Variants in ANO2 observed in about 807,000 individuals in gnomAD.
The protein encoded by ANO2 is anoctamin 2.
Under a neutral mutation model 124.2 loss-of-function variants are expected in ANO2, and 101 were observed. That is an observed-to-expected ratio of 0.81 (90% CI 0.69 to 0.96). The LOEUF (loss-of-function observed/expected upper bound fraction) is 0.96. Among genes scored for constraint, ANO2 ranks in the 40% least tolerant of loss-of-function variants. The probability of loss-of-function intolerance (pLI) is 0.00; values close to 1 mark genes in which losing one functional copy is unlikely to be tolerated. For synonymous variants in ANO2, 486 were observed against 482.5 expected, an observed-to-expected ratio of 1.01 and a Z score of -0.09; for missense variants, 1,293 against 1,274.5, an observed-to-expected ratio of 1.01 and a Z score of -0.22.
At chr12:5,902,986 G>A (rs1009053460) in intron 3 of ANO2, among the ~76,000 whole-genome samples, 3 of 150,718 alleles carry the variant, frequency 2.0e-5, no homozygotes, top group Non-Finnish European at 4.4e-5. Context: ...TTTTAGCTGA[G>A]TCTTCCTAGG....
intron 4 of ANO2, among the ~76,000 whole-genome samples, chr12:5,853,061 A>G (rs543372650): frequency 2.6e-5 from 4 of 152,098 alleles, no homozygotes; most frequent in Admixed American, 2.0e-4. Context: ...AATACCTATG[A>G]ATAAAGAATG....
chr12:5,650,390 C>A (rs1054055985), intron 14 of ANO2, among the ~76,000 whole-genome samples: 6 of 152,036 alleles, frequency 3.9e-5, no homozygotes, highest in Admixed American at 6.6e-5. Context: ...GAAAAATCAC[C>A]CCTTCTCATG....
chr12:5,662,735 C>T (rs1242948665), intron 14 of ANO2, among the ~76,000 whole-genome samples: 1 of 152,210 alleles, frequency 6.6e-6, no homozygotes. Flanking sequence ...ACACTGAACT[C>T]CCCTAGCACG....
chr12:5,636,315 T>C lies in ANO2; in HGVS notation c.1621-968A>G, dbSNP rs575774200. 4.6e-5 allele frequency among the ~76,000 whole-genome samples: 7 copies of C among 152,156 alleles called. 1 individual carries two copies. In the South Asian group the frequency reaches 1.5e-3, roughly 32 times the overall value. ...TCATTTCCAGGAAGCACAAGGATGC[T>C]ATGAGAAGCAAGTGCCCTGAGTAAA... On this transcript the variant is annotated intron_variant, in intron 15 of 24. Coordinates refer to ENST00000682330, the MANE Select transcript of ANO2 (RefSeq NM_001364791.2). The surrounding 1 kb of genome is among the most constrained non-coding windows in gnomAD (Gnocchi z 4.6).
rs115216030 is a variant in ANO2 at position 5,832,269 on chromosome 12, A to G, written c.785+183T>C. On this transcript the variant is annotated intron_variant, in intron 5 of 24. Coordinates refer to ENST00000682330, the MANE Select transcript of ANO2 (RefSeq NM_001364791.2). ...ACCCTTGGCTGTTTGGGACAATCTC[A>G]CATGGGGAGGGGGTTCACAAAGCAG... Among the ~76,000 whole-genome samples, 205 of 152,306 alleles carry G rather than the reference A, an allele frequency of 1.3e-3. 1 individual carries two copies. Among genetic ancestry groups the G allele is most frequent in the African/African-American group, 4.7e-3 (197 of 41,572 alleles).
chr12:5,691,559 C>G (rs380317), intron 14 of ANO2, among the ~76,000 whole-genome samples: 152,025 of 152,078 alleles, frequency 1, 75,986 homozygotes, highest in Middle Eastern at 1. Flanking sequence ...GGAAGAGCCA[C>G]TCAAAGACCC....
At chr12:5,861,824 T>G (rs532913783) in intron 3 of ANO2, among the ~76,000 whole-genome samples, 10 of 152,150 alleles carry the variant, frequency 6.6e-5, no homozygotes, top group African/African-American at 2.4e-4. Context: ...ATCATCAAGA[T>G]TGAAGCTCAC....
At chr12:5,646,661 C>T (rs997751933) in intron 15 of ANO2, among the ~76,000 whole-genome samples, 11 of 152,160 alleles carry the variant, frequency 7.2e-5, no homozygotes, top group African/African-American at 2.2e-4. Context: ...GCTTAACACA[C>T]GGCAACTCAC....
chr12:5,635,385 C>A lies in ANO2; in HGVS notation c.1621-38G>T. The stretch of plus-strand genomic sequence containing the variant: ...ACAGAGAGAAGTACACATCAGCCGG[C>A]AATTACCGAGCACCTACTATTTGCT... On this transcript the variant is annotated intron_variant, in intron 15 of 24. Coordinates refer to ENST00000682330, the MANE Select transcript of ANO2 (RefSeq NM_001364791.2). This position sits in a 1 kb window ranked among gnomAD's most constrained non-coding sequence, Gnocchi z 5.2. The A allele has an allele frequency of 6.9e-7, 1 of 1,455,638 alleles. No individual in the cohort carries two copies. The highest frequency in any genetic ancestry group is 9.1e-7 in the Non-Finnish European group (1 of 1,100,824). The allele number at this position is 1,455,638 out of a possible 1,614,324, so 90.2% of individuals were successfully genotyped here.
intron 3 of ANO2, among the ~76,000 whole-genome samples, chr12:5,901,083 C>T (rs1940169737): frequency 6.6e-6 from 1 of 152,178 alleles, no homozygotes; most frequent in South Asian, 2.1e-4. Flanking sequence ...TACACGTTTC[C>T]ATACCGAGCA....
At chr12:5,897,537 C>T (rs1455897245) in intron 3 of ANO2, among the ~76,000 whole-genome samples, 2 of 152,020 alleles carry the variant, frequency 1.3e-5, no homozygotes, top group Non-Finnish European at 2.9e-5. Flanking sequence ...GATATTGGCA[C>T]AAGGATAGTC....
intron 14 of ANO2, among the ~76,000 whole-genome samples, chr12:5,703,138 C>T (rs1399251797): frequency 3.9e-5 from 6 of 152,100 alleles, no homozygotes; most frequent in Admixed American, 1.3e-4. Flanking sequence ...GCATATTAAT[C>T]CATAGAATAT....
intron 3 of ANO2, among the ~76,000 whole-genome samples, chr12:5,917,148 G>T (rs17786412): frequency 6.6e-6 from 1 of 152,034 alleles, no homozygotes; most frequent in African/African-American, 2.4e-5. Flanking sequence ...CTGGTCAGTC[G>T]CAAGAGCCAT....
intron 3 of ANO2, among the ~76,000 whole-genome samples, chr12:5,864,507 G>A (rs1368045594): frequency 6.6e-6 from 1 of 152,282 alleles, no homozygotes; most frequent in Non-Finnish European, 1.5e-5. Flanking sequence ...CTGGACAGTC[G>A]CCATCCTGCA....
intron 10 of ANO2, among the ~76,000 whole-genome samples, chr12:5,753,203 T>C (rs1375367345): frequency 6.6e-6 from 1 of 152,060 alleles, no homozygotes; most frequent in Non-Finnish European, 1.5e-5. Context: ...TCTCCAAAGA[T>C]GAATTTAAGG....
intron 9 of ANO2, among the ~76,000 whole-genome samples, chr12:5,802,009 G>A (rs747364337): frequency 2.0e-5 from 3 of 152,162 alleles, no homozygotes; most frequent in East Asian, 3.9e-4. Flanking sequence ...GCTATGGGAC[G>A]TCACTGTCTG....
chr12:5,752,615 G>A (rs1951471341), intron 10 of ANO2, among the ~76,000 whole-genome samples: 1 of 152,030 alleles, frequency 6.6e-6, no homozygotes, highest in Non-Finnish European at 1.5e-5. Context: ...CCTTATACAT[G>A]TTGGATATTA....
At chr12:5,713,921 G>C (rs771023134) in intron 14 of ANO2, among the ~76,000 whole-genome samples, 1 of 152,216 alleles carries the variant, frequency 6.6e-6, no homozygotes, top group South Asian at 2.1e-4. Flanking sequence ...TCCACCTCAG[G>C]CCCTCCCTCT....
intron 6 of ANO2, among the ~76,000 whole-genome samples, chr12:5,830,154 C>G (rs544353446): frequency 4.6e-5 from 7 of 152,266 alleles, no homozygotes; most frequent in African/African-American, 1.7e-4. Flanking sequence ...TAACTAACAC[C>G]CGCACCAACT....
Sources: gnomAD v4.1 joint callset for allele counts (sites outside exome capture counted in the v4.1 genomes callset) on GRCh38, gnomAD v4.1.1 for gene constraint, Gnocchi (gnomAD v3.1) non-coding constraint, MANE v1.5 for transcripts, NCBI Gene and HGNC (gene_info 2026-07-23, HGNC 2026-07-21) for gene names.